INO80: variants seen among roughly 807,000 people sequenced by gnomAD.
INO80 encodes the protein INO80 complex ATPase subunit.
In INO80, 20 loss-of-function variants were observed where a neutral mutation model predicts 203.4. The ratio of observed to expected loss-of-function variants is 0.10; its 90% CI spans 0.07 to 0.14. The LOEUF is 0.14. Among genes scored for constraint, INO80 ranks in the 10% least tolerant of loss-of-function variants. INO80 has a pLI of 1.00. For missense variants in INO80, 1,419 were observed against 1,914.4 expected, an observed-to-expected ratio of 0.74 and a Z score of 4.83; for synonymous variants, 726 against 685.2, an observed-to-expected ratio of 1.06 and a Z score of -0.93.
At position 41,022,465 on chromosome 15, in the gene INO80, G is replaced by A. The variant is rs77523310; in HGVS notation, c.3049-1340C>T. Among the ~76,000 whole-genome samples, 826 of 151,574 alleles carry A rather than the reference G, an allele frequency of 5.4e-3. 12 individuals carry two copies. Among genetic ancestry groups the A allele is most frequent in the African/African-American group, 0.019 (785 of 41,300 alleles). On this transcript the variant is annotated intron_variant, in intron 25 of 35. Coordinates refer to ENST00000648947, the MANE Select transcript of INO80 (RefSeq NM_017553.3). ...AGATTTTGAACCAGAAGAACTGAGGGAGGGGCCAATAGACCTATGTTTTTG... is the reference window on the plus strand; with the variant it reads ...AGATTTTGAACCAGAAGAACTGAGGAAGGGGCCAATAGACCTATGTTTTTG...
chr15:41,036,157 A>G (rs780297155), intron 24 of INO80, among the ~76,000 whole-genome samples: 5,033 of 37,556 alleles, frequency 0.13, 72 homozygotes, highest in Non-Finnish European at 0.19. Context: ...CTCTCTCTCG[A>G]AAAAAAAAAA....
In INO80 at chr15:41,095,885, G is replaced by T. The variant is rs1376254136; in HGVS notation, c.187C>A (p.Pro63Thr). 1 of 1,613,924 alleles carries T rather than the reference G, an allele frequency of 6.2e-7. No individual in the cohort carries two copies. Among genetic ancestry groups the T allele is most frequent in the Non-Finnish European group, 8.5e-7 (1 of 1,179,878 alleles). ...TGTATTAAGGGATCCCCAGACTGGG[G>T]CAATAATGGATTACTGTCATCCAGT... ...DGLDDSNPLLPQSGDPLIQVK... is the reference protein window; with the variant it reads ...DGLDDSNPLLTQSGDPLIQVK... The change falls in exon 3 of 36, where the codon CCC (proline) becomes ACC (threonine). Residue 63 changes from proline to threonine, a missense_variant. This residue lies in a region of INO80 where 323 missense variants were observed against 325.4 expected (regional missense o/e 0.99). Coordinates refer to ENST00000648947, the MANE Select transcript of INO80 (RefSeq NM_017553.3).
chr15:41,095,392 A>T (rs1028530121), intron 4 of INO80, among the ~76,000 whole-genome samples: 1 of 152,154 alleles, frequency 6.6e-6, no homozygotes. Context: ...GATTAGCAAT[A>T]CTCAACCTGT....
chr15:41,111,861 G>A (rs2045964131), intron 1 of INO80, among the ~76,000 whole-genome samples: 1 of 151,482 alleles, frequency 6.6e-6, no homozygotes, highest in African/African-American at 2.4e-5. Context: ...TTACCCAACA[G>A]AATAGGTGTC....
intron 24 of INO80, among the ~76,000 whole-genome samples, chr15:41,036,180 A>C (rs1053405544): frequency 1.5e-4 from 23 of 149,636 alleles, no homozygotes; most frequent in Admixed American, 3.3e-4. Flanking sequence ...AAAAAAAAAA[A>C]AAAAACCCAA....
chr15:41,073,215 C>T (rs1369617577), intron 11 of INO80, among the ~76,000 whole-genome samples: 3 of 152,146 alleles, frequency 2.0e-5, no homozygotes, highest in Non-Finnish European at 4.4e-5. Flanking sequence ...ACTGAATATT[C>T]GTTTTTCTGC....
rs980873727 is a variant in INO80, at chr15:41,027,147, T to C, written c.3048+449A>G. On this transcript the variant is annotated intron_variant, in intron 25 of 35. Transcript: ENST00000648947. ...GAGAAGGTTCTTGATGCTGGAGTGT[T>C]ATGTTTCCTTTTGTTATCTGGAGAC... 2.3e-4 allele frequency among the ~76,000 whole-genome samples: 35 copies of C among 152,314 alleles called. 1 individual carries two copies. Among genetic ancestry groups the C allele is most frequent in the African/African-American group, 7.9e-4 (33 of 41,564 alleles).
At chr15:41,060,015 A>G in intron 14 of INO80, 89 bp from the exon 15 acceptor site, 2 of 900,540 alleles carry the variant, frequency 2.2e-6, no homozygotes, top group Non-Finnish European at 3.4e-6. Context: ...ATTTAAAAAG[A>G]AACTAATAAA....
At chr15:41,098,335 G>A (rs1441985164) in intron 1 of INO80, among the ~76,000 whole-genome samples, 2 of 152,048 alleles carry the variant, frequency 1.3e-5, no homozygotes, top group Non-Finnish European at 2.9e-5. Flanking sequence ...TCAAAAATTA[G>A]CCCATGCGAA....
rs775876676 is a variant in INO80 at position 41,079,847 on chromosome 15, A to C, written c.985T>G (p.Cys329Gly). The change falls in exon 9 of 36, where the codon TGT becomes GGT. Residue 329 changes from cysteine (C) to glycine (G), a missense_variant. Around this residue, in one of 9 missense-constraint regions of INO80, gnomAD observed 87 missense variants for 150.5 expected, o/e 0.58. Transcript: ENST00000648947. ...RRAALQAQKN[C>G]KETLPRARRL... ...CGGGCACGAGGCAAGGTTTCCTTAC[A>C]GTTCTTCTGGGCCTGCAAGGCAGCT... The C allele has an allele frequency of 3.1e-6, 5 of 1,614,098 alleles. No individual in the cohort carries two copies. In the Admixed American group the frequency reaches 6.7e-5, roughly 22 times the overall value.
At chr15:41,039,275 T>C (rs1384494836) in intron 24 of INO80, among the ~76,000 whole-genome samples, 1 of 152,202 alleles carries the variant, frequency 6.6e-6, no homozygotes, top group African/African-American at 2.4e-5. Context: ...ACACCACACC[T>C]GGCCTAGATC....
intron 2 of INO80, 80 bp from the exon 3 acceptor site, chr15:41,096,008 A>T: frequency 6.9e-7 from 1 of 1,445,012 alleles, no homozygotes. Flanking sequence ...CACTTTACAG[A>T]AGAAACTGTT....
rs1335610135 is a variant in INO80 at position 41,016,126 on chromosome 15, T to A, written c.3364A>T (p.Ile1122Phe). The change falls in exon 27 of 36, where the codon ATC (isoleucine) becomes TTC (phenylalanine). Residue 1122 changes from isoleucine (I) to phenylalanine (F), a missense_variant. This residue lies in a region of INO80 where 65 missense variants were observed against 186.7 expected (regional missense o/e 0.35). Coordinates refer to ENST00000648947, the MANE Select transcript of INO80 (RefSeq NM_017553.3). Reference protein sequence around the residue: ...RLKSQGHRVLIYSQMTRMIDL... With the variant: ...RLKSQGHRVLFYSQMTRMIDL... ...ATCATCCTGGTCATCTGGGAGTAGA[T>A]AAGGACCCTATGCCCTTGAGACTTG... The A allele has an allele frequency of 6.2e-7, 1 of 1,613,274 alleles. No individual in the cohort carries two copies. The highest frequency in any genetic ancestry group is 8.5e-7 in the Non-Finnish European group (1 of 1,179,388).
intron 13 of INO80, among the ~76,000 whole-genome samples, chr15:41,070,075 TAGAAGA>T (rs369631668): frequency 2.4e-4 from 37 of 152,340 alleles, no homozygotes; most frequent in African/African-American, 8.9e-4. Flanking sequence ...AACGTCTCCA[TAGAAGA>T]GGAAGAGGAA....
chr15:41,093,218 A>G (rs919047239), intron 4 of INO80, among the ~76,000 whole-genome samples: 5 of 151,668 alleles, frequency 3.3e-5, no homozygotes, highest in Non-Finnish European at 7.4e-5. Context: ...CAAGGTCAGG[A>G]GTTTGAGAAC....
At chr15:41,092,224 C>T in intron 4 of INO80, 42 bp from the exon 5 acceptor site, 2 of 1,510,040 alleles carry the variant, frequency 1.3e-6, no homozygotes, top group South Asian at 1.3e-5. Flanking sequence ...TGCTGTGAAG[C>T]AATCCCATTT....
intron 23 of INO80, among the ~76,000 whole-genome samples, chr15:41,046,454 T>C (rs537853444): frequency 6.6e-6 from 1 of 151,528 alleles, no homozygotes; most frequent in Non-Finnish European, 1.5e-5. Context: ...CTCAAACTCC[T>C]GACCTCAGGT....
chr15:41,001,244 G>C lies in INO80; in HGVS notation c.3498-3643C>G, dbSNP rs551782299. 1.8e-4 allele frequency among the ~76,000 whole-genome samples: 27 copies of C among 152,184 alleles called. 1 individual carries two copies. The South Asian group carries it at 5.6e-3, about 32-fold the overall frequency. Reference sequence around the variant, plus strand: ...AGGCTGAAAAGGCATCTCAACTCAGGGTCTCTTAGAACAGACCTTAAAGAC... The same window carrying C: ...AGGCTGAAAAGGCATCTCAACTCAGCGTCTCTTAGAACAGACCTTAAAGAC... On this transcript the variant is annotated intron_variant, in intron 28 of 35. Coordinates refer to ENST00000648947, the MANE Select transcript of INO80 (RefSeq NM_017553.3).
intron 1 of INO80, among the ~76,000 whole-genome samples, chr15:41,110,088 C>T (rs1379423345): frequency 2.7e-5 from 4 of 149,176 alleles, no homozygotes; most frequent in African/African-American, 4.9e-5. Context: ...AGCGAAACTC[C>T]GTCTCAAAAA....
Sources: allele counts gnomAD v4.1 joint callset (sites outside exome capture counted in the v4.1 genomes callset), GRCh38; gene constraint gnomAD v4.1.1; regional missense constraint gnomAD v4.1.1; transcripts MANE v1.5; gene names NCBI Gene and HGNC (gene_info 2026-07-23, HGNC 2026-07-21).